Variants in NCOR1 observed in about 807,000 individuals in gnomAD.
NCOR1 encodes protein phosphatase 1, regulatory subunit 109.
In NCOR1, 63 loss-of-function variants were observed where a neutral mutation model predicts 288.1. The observed-to-expected ratio is 0.22, with a 90% CI of 0.18 to 0.27. The LOEUF (loss-of-function observed/expected upper bound fraction) is 0.27, where lower values mean the gene tolerates loss of function less well. Among genes scored for constraint, NCOR1 ranks in the 10% least tolerant of loss-of-function variants. The pLI is 1.00. For missense variants in NCOR1, 2,397 were observed against 3,019.2 expected, an observed-to-expected ratio of 0.79 and a Z score of 4.83; for synonymous variants, 1,007 against 1,065.9, an observed-to-expected ratio of 0.94 and a Z score of 1.08.
At chr17:16,108,433 A>T (rs2069272526) in intron 19 of NCOR1, among the ~76,000 whole-genome samples, 2 of 152,170 alleles carry the variant, frequency 1.3e-5, no homozygotes, top group African/African-American at 4.8e-5. Flanking sequence ...TCTCTGTAAA[A>T]ATATGAAAAT....
intron 34 of NCOR1, 37 bp from the exon 35 acceptor site, chr17:16,064,224 A>C (rs1448225870): frequency 6.3e-7 from 1 of 1,593,302 alleles, no homozygotes; most frequent in Non-Finnish European, 8.6e-7. Flanking sequence ...AGATAAAAAT[A>C]TCAACTGACT....
At chr17:16,079,417 ACTT>A (rs2063047023) in intron 26 of NCOR1, among the ~76,000 whole-genome samples, 1 of 152,234 alleles carries the variant, frequency 6.6e-6, no homozygotes, top group Non-Finnish European at 1.5e-5. Flanking sequence ...GAGGCTAAGA[ACTT>A]CTTAAGTATC....
intron 3 of NCOR1, among the ~76,000 whole-genome samples, chr17:16,178,498 CAAAAAAAAAAA>C (rs564320622): frequency 6.1e-5 from 2 of 32,788 alleles, no homozygotes; most frequent in African/African-American, 2.1e-4. Context: ...GACTCCGTCT[CAAAAAAAAAAA>C]AAAAAAAAAA....
In NCOR1 at chr17:16,032,478, T is replaced by C. The variant is rs757032658; in HGVS notation, c.7141A>G (p.Thr2381Ala). 6.4e-7 allele frequency: 1 copy of C among 1,570,860 alleles called. No individual in the cohort carries two copies. Among genetic ancestry groups the C allele is most frequent in the South Asian group, 1.2e-5 (1 of 83,612 alleles). Residue 2381 changes from threonine (T) to alanine (A), a missense_variant, in exon 46 of 46, where the codon ACT becomes GCT. Transcript: ENST00000268712. Reference protein sequence around the residue: ...WEDRPSSTGSTQFPYNPLTMR... With the variant: ...WEDRPSSTGSAQFPYNPLTMR... Reference sequence around the variant, plus strand: ...GTCAGAGGGTTATAAGGAAACTGAGTTGAGCCTGACAAAAGAAAAATTAGG... The same window carrying C: ...GTCAGAGGGTTATAAGGAAACTGAGCTGAGCCTGACAAAAGAAAAATTAGG...
At chr17:16,078,729 C>T (rs752484166) in intron 26 of NCOR1, among the ~76,000 whole-genome samples, 2 of 152,134 alleles carry the variant, frequency 1.3e-5, no homozygotes, top group Non-Finnish European at 2.9e-5. Context: ...GCGCACACCA[C>T]TATGCCCGCC....
At chr17:16,168,373 G>C (rs1309245871) in intron 4 of NCOR1, among the ~76,000 whole-genome samples, 1 of 151,900 alleles carries the variant, frequency 6.6e-6, no homozygotes. Flanking sequence ...GATAATTTTT[G>C]TATTTTTAGT....
At chr17:16,199,760 G>A (rs1006058159) in intron 1 of NCOR1, among the ~76,000 whole-genome samples, 10 of 152,068 alleles carry the variant, frequency 6.6e-5, no homozygotes, top group African/African-American at 1.7e-4. Context: ...AAAATTCTAC[G>A]AATTGTTTAA....
chr17:16,032,254 G>T lies in NCOR1; in HGVS notation c.*42C>A. 1 of 1,518,690 alleles carries T rather than the reference G, an allele frequency of 6.6e-7. No homozygotes were observed. Among genetic ancestry groups the T allele is most frequent in the South Asian group, 1.3e-5 (1 of 74,614 alleles). The allele number at this position is 1,518,690 out of a possible 1,614,324, so 94.1% of individuals were successfully genotyped here. The stretch of plus-strand genomic sequence containing the variant: ...ACTAAAAATTAAACCACAAAAACTA[G>T]AGATCCCTCTCCTGCACCCTGTTCC... On this transcript the variant is annotated 3_prime_UTR_variant, in exon 46 of 46. Coordinates refer to ENST00000268712, the MANE Select transcript of NCOR1 (RefSeq NM_006311.4).
At chr17:16,129,119 G>A (rs138367059) in intron 14 of NCOR1, among the ~76,000 whole-genome samples, 45 of 151,912 alleles carry the variant, frequency 3.0e-4, no homozygotes, top group African/African-American at 1.1e-3. Flanking sequence ...TCTAACACTC[G>A]CCACTCAATC....
In NCOR1 at chr17:16,146,313, A is replaced by T. The variant is rs577211787; in HGVS notation, c.1082+63T>A. 2.9e-4 allele frequency: 426 copies of T among 1,484,218 alleles called. 1 individual carries two copies. The highest frequency in any genetic ancestry group is 4.1e-4 in the Middle Eastern group (2 of 4,868). 91.9% of individuals were successfully genotyped at this position (1,484,218 alleles called of 1,614,324 possible). A position where few individuals can be genotyped will look rare whatever the true frequency, so the allele number is the denominator to read the frequency against. ...TCAATACATACTAAAAAAATTTTTA[A>T]AAAAAAGAAACAATAAATATTTGAA... On this transcript the variant is annotated intron_variant, in intron 10 of 45. Coordinates refer to ENST00000268712, the MANE Select transcript of NCOR1 (RefSeq NM_006311.4).
chr17:16,171,718 A>G (rs1371210275), intron 4 of NCOR1, 85 bp downstream of exon 4: 1 of 1,230,360 alleles, frequency 8.1e-7, no homozygotes, highest in African/African-American at 1.6e-5. Context: ...GTGTAACTGG[A>G]CTTTCTTTGA....
intron 12 of NCOR1, 55 bp from the exon 13 acceptor site, chr17:16,138,267 A>G (rs576015340): frequency 1.4e-6 from 2 of 1,422,876 alleles, no homozygotes; most frequent in East Asian, 4.7e-5. Context: ...CAACAACTAA[A>G]AAAAAAAAAA....
intron 18 of NCOR1, among the ~76,000 whole-genome samples, chr17:16,116,790 A>G (rs1270319917): frequency 2.0e-5 from 3 of 152,234 alleles, no homozygotes; most frequent in Admixed American, 2.0e-4. Flanking sequence ...GAGATTTAAT[A>G]AAATTAACTT....
intron 7 of NCOR1, among the ~76,000 whole-genome samples, 176 bp from the exon 8 acceptor site, chr17:16,152,174 C>CT (rs1413495785): frequency 6.6e-6 from 1 of 152,162 alleles, no homozygotes; most frequent in Non-Finnish European, 1.5e-5. Context: ...TTAAATTATA[C>CT]TTTAAGTTCT....
chr17:16,044,101 G>A (rs1172529180), intron 42 of NCOR1, among the ~76,000 whole-genome samples: 5 of 150,962 alleles, frequency 3.3e-5, no homozygotes, highest in South Asian at 2.1e-4. Context: ...CCCGGGAGGC[G>A]GAGGTTGCGG....
At chr17:16,199,411 A>C (rs1423294599) in intron 1 of NCOR1, among the ~76,000 whole-genome samples, 1 of 152,116 alleles carries the variant, frequency 6.6e-6, no homozygotes, top group Non-Finnish European at 1.5e-5. Context: ...TTTTAACCAG[A>C]ATGTTTTCCT....
chr17:16,058,377 CAAGTT>C (rs1413143359), intron 38 of NCOR1, 89 bp downstream of exon 38: 16 of 1,452,326 alleles, frequency 1.1e-5, no homozygotes, highest in Non-Finnish European at 1.5e-5. Flanking sequence ...ACAAACAAAA[CAAGTT>C]AATTCTTACT....
rs2152698782 is a variant in NCOR1, at chr17:16,068,003, G to A, written c.4632C>T (p.His1544=). 1 of 1,614,232 alleles carries A rather than the reference G, an allele frequency of 6.2e-7. No homozygotes were observed. The highest frequency in any genetic ancestry group is 2.2e-5 in the East Asian group (1 of 44,886). The stretch of plus-strand genomic sequence containing the variant: ...CTCTGTGATGGGGATCAAACGGACT[G>A]TGGCTCACGACAGGGTCCACCCCAG... ...PVPGVDPVVS[H]SPFDPHHRGS... is the part of the protein sequence containing the mutation. Residue 1544 remains histidine, a synonymous_variant, in exon 32 of 46, where the codon CAC becomes CAT. Transcript: ENST00000268712.
chr17:16,141,736 T>C (rs1248019296), intron 11 of NCOR1, among the ~76,000 whole-genome samples: 4 of 152,222 alleles, frequency 2.6e-5, no homozygotes, highest in Non-Finnish European at 4.4e-5. Context: ...TAATTTACCA[T>C]TGTATTCCCA....
Sources: gnomAD v4.1 joint callset for allele counts (sites outside exome capture counted in the v4.1 genomes callset) on GRCh38, gnomAD v4.1.1 for gene constraint, MANE v1.5 for transcripts, NCBI Gene and HGNC (gene_info 2026-07-23, HGNC 2026-07-21) for gene names.